PIAS1: variants seen among roughly 807,000 people sequenced by gnomAD.
PIAS1 encodes E3 SUMO-protein ligase PIAS1.
In PIAS1, 6 loss-of-function variants were observed where a neutral mutation model predicts 71.3. That is an observed-to-expected ratio of 0.08 (90% CI 0.05 to 0.17). PIAS1 has a LOEUF of 0.17. Among genes scored for constraint, PIAS1 ranks in the 10% least tolerant of loss-of-function variants. The pLI, the probability that PIAS1 is intolerant of heterozygous loss-of-function variation, is 1.00. For missense variants in PIAS1, 555 were observed against 793.6 expected, an observed-to-expected ratio of 0.70 and a Z score of 3.61; for synonymous variants, 303 against 292.9, an observed-to-expected ratio of 1.03 and a Z score of -0.35.
At chr15:68,115,734 T>C (rs1053210576) in intron 2 of PIAS1, among the ~76,000 whole-genome samples, 2 of 151,866 alleles carry the variant, frequency 1.3e-5, no homozygotes, top group Non-Finnish European at 2.9e-5. Context: ...TTCTGGAGAG[T>C]GTTTATTAGG....
intron 1 of PIAS1, among the ~76,000 whole-genome samples, chr15:68,075,078 C>CTTTTTTTTTTTTT (rs146114696): frequency 8.6e-5 from 7 of 81,784 alleles, no homozygotes; most frequent in East Asian, 3.6e-4. Context: ...TTCTTTCTTT[C>CTTTTTTTTTTTTT]TTTTTTTTTT....
chr15:68,100,449 A>C (rs990388700), intron 2 of PIAS1, among the ~76,000 whole-genome samples: 21 of 152,274 alleles, frequency 1.4e-4, no homozygotes, highest in Middle Eastern at 3.4e-3. Flanking sequence ...TGGTTCATCC[A>C]AGTTGCTGTG....
intron 8 of PIAS1, among the ~76,000 whole-genome samples, chr15:68,170,075 T>A (rs2092981999): frequency 6.6e-6 from 1 of 152,162 alleles, no homozygotes; most frequent in East Asian, 1.9e-4. Flanking sequence ...TGAAGCCTTA[T>A]CAGTGCACAG....
At position 68,186,147 on chromosome 15, in the gene PIAS1, G is replaced by A. The variant is rs1199393648; in HGVS notation, c.1663-1395G>A. On this transcript the variant is annotated intron_variant, in intron 13 of 13. Transcript: ENST00000249636. This position sits in a 1 kb window ranked among gnomAD's most constrained non-coding sequence, Gnocchi z 4.4. Reference sequence around the variant, plus strand: ...CCTCCTTAAGAAGAGCCTCAGGCAGGTCCTTCAGTGGGTGTTCCAGAAGAT... The same window carrying A: ...CCTCCTTAAGAAGAGCCTCAGGCAGATCCTTCAGTGGGTGTTCCAGAAGAT... Among the ~76,000 whole-genome samples the A allele has an allele frequency of 1.3e-5, 2 of 152,174 alleles. No homozygotes were observed. The highest frequency in any genetic ancestry group is 2.9e-5 in the Non-Finnish European group (2 of 68,034).
Position 68,144,069 on chromosome 15 carries a change from A to G in PIAS1, c.602+1732A>G, listed in dbSNP as rs190049142. On this transcript the variant is annotated intron_variant, in intron 4 of 13. Transcript: ENST00000249636. ...GATGAGCTATAATTCAGAGATTCCAAGGGTATCTTGATGACTGCTATTTTA... is the reference window on the plus strand; with the variant it reads ...GATGAGCTATAATTCAGAGATTCCAGGGGTATCTTGATGACTGCTATTTTA... Among the ~76,000 whole-genome samples, 24 of 151,856 alleles carry G rather than the reference A, an allele frequency of 1.6e-4. No homozygotes were observed. In the East Asian group the frequency reaches 3.1e-3, roughly 20 times the overall value.
At chr15:68,157,746 G>A (rs1240368343) in intron 7 of PIAS1, among the ~76,000 whole-genome samples, 1 of 152,048 alleles carries the variant, frequency 6.6e-6, no homozygotes, top group Non-Finnish European at 1.5e-5. Flanking sequence ...CACCCTTATG[G>A]TTTAAAACTA....
At chr15:68,078,083 G>C (rs1189976919) in intron 1 of PIAS1, among the ~76,000 whole-genome samples, 1 of 152,140 alleles carries the variant, frequency 6.6e-6, no homozygotes, top group Non-Finnish European at 1.5e-5. Flanking sequence ...TTTTGGTAAG[G>C]GGACAGTTAG....
chr15:68,067,487 C>T (rs2092041949), intron 1 of PIAS1, among the ~76,000 whole-genome samples: 1 of 151,640 alleles, frequency 6.6e-6, no homozygotes, highest in African/African-American at 2.4e-5. Context: ...TTTCTTCCCT[C>T]ACTGTCATTT....
chr15:68,125,475 A>G (rs116209499), intron 2 of PIAS1, among the ~76,000 whole-genome samples: 1,863 of 152,232 alleles, frequency 0.012, 43 homozygotes, highest in African/African-American at 0.043. Context: ...TTAGTGTGGC[A>G]TATCTCTTAG....
intron 2 of PIAS1, among the ~76,000 whole-genome samples, chr15:68,117,717 A>G (rs1025637917): frequency 2.6e-5 from 4 of 152,192 alleles, no homozygotes; most frequent in East Asian, 3.8e-4. Flanking sequence ...ATAGTATTCT[A>G]TCATGTCTCC....
At chr15:68,121,381 T>G (rs1021837208) in intron 2 of PIAS1, among the ~76,000 whole-genome samples, 1 of 152,014 alleles carries the variant, frequency 6.6e-6, no homozygotes, top group Admixed American at 6.6e-5. Flanking sequence ...ATATATTTCC[T>G]TTGTCTTTTT....
At chr15:68,170,395 T>A (rs1434340366) in intron 8 of PIAS1, among the ~76,000 whole-genome samples, 1 of 152,160 alleles carries the variant, frequency 6.6e-6, no homozygotes, top group East Asian at 1.9e-4. Flanking sequence ...GCTAAGTATT[T>A]GTGTACCTAA....
intron 6 of PIAS1, among the ~76,000 whole-genome samples, chr15:68,148,262 C>T (rs2092822036): frequency 6.6e-6 from 1 of 152,084 alleles, no homozygotes; most frequent in African/African-American, 2.4e-5. Context: ...ACTACCCACA[C>T]AACAGCCCAG....
intron 1 of PIAS1, among the ~76,000 whole-genome samples, chr15:68,084,010 ATTG>A (rs2092255143): frequency 6.6e-6 from 1 of 152,156 alleles, no homozygotes; most frequent in Non-Finnish European, 1.5e-5. Context: ...GCTCAAGTTT[ATTG>A]TTGTGTCATA....
chr15:68,132,959 A>T (rs8038120), intron 2 of PIAS1, among the ~76,000 whole-genome samples: 56,721 of 151,104 alleles, frequency 0.38, 12,616 homozygotes, highest in East Asian at 0.79. Context: ...ATTTCAGTTT[A>T]TCCTTCTGGT....
intron 2 of PIAS1, among the ~76,000 whole-genome samples, chr15:68,135,646 C>A (rs1369380607): frequency 3.1e-5 from 2 of 65,224 alleles, no homozygotes; most frequent in African/African-American, 8.0e-5. Flanking sequence ...CCCTCCCGGA[C>A]GGGGTGGCTG....
intron 2 of PIAS1, among the ~76,000 whole-genome samples, chr15:68,128,965 G>T (rs1417264945): frequency 6.6e-6 from 1 of 151,808 alleles, no homozygotes; most frequent in Non-Finnish European, 1.5e-5. Context: ...TGGATAAACA[G>T]CAGTAATCAG....
intron 6 of PIAS1, among the ~76,000 whole-genome samples, chr15:68,151,939 A>ATTTTTTTTTTTTTTTTTTTT (rs1201017658): frequency 1.5e-5 from 1 of 68,198 alleles, no homozygotes; most frequent in African/African-American, 5.7e-5. Context: ...AAATTTAGGA[A>ATTTTTTTTTTTTTTTTTTTT]TTTTTTTTTT....
intron 1 of PIAS1, among the ~76,000 whole-genome samples, chr15:68,070,235 G>A (rs1185558225): frequency 6.6e-6 from 1 of 152,196 alleles, no homozygotes; most frequent in Non-Finnish European, 1.5e-5. Flanking sequence ...GAATGTGCCA[G>A]GCATGGAGGG....
Sources: allele counts gnomAD v4.1 joint callset (sites outside exome capture counted in the v4.1 genomes callset), GRCh38; gene constraint gnomAD v4.1.1; non-coding constraint Gnocchi (gnomAD v3.1); transcripts MANE v1.5; gene names NCBI Gene and HGNC (gene_info 2026-07-23, HGNC 2026-07-21).